Variants in SLC38A8 observed in about 807,000 individuals in gnomAD.
The protein encoded by SLC38A8 is amino acid transporter SLC38A8.
A neutral mutation model predicts 46.0 loss-of-function variants in SLC38A8; 65 were observed. The ratio of observed to expected loss-of-function variants is 1.41; its 90% CI spans 1.16 to 1.74. The LOEUF (loss-of-function observed/expected upper bound fraction) is 1.74. SLC38A8 is among the 40% of genes most tolerant of loss of function. The probability of loss-of-function intolerance (pLI) is 0.00; values close to 1 mark genes in which losing one functional copy is unlikely to be tolerated. For missense variants in SLC38A8, 998 were observed against 567.9 expected, an observed-to-expected ratio of 1.76 and a Z score of -7.70; for synonymous variants, 447 against 243.7, an observed-to-expected ratio of 1.83 and a Z score of -7.77.
chr16:84,039,174 T>G (rs1264050940), intron 2 of SLC38A8, among the ~76,000 whole-genome samples: 1 of 152,162 alleles, frequency 6.6e-6, no homozygotes, highest in Non-Finnish European at 1.5e-5. Context: ...GAAGAGCCTT[T>G]GGAGGGAGCG....
intron 9 of SLC38A8, among the ~76,000 whole-genome samples, chr16:84,014,735 G>C (rs536672461): frequency 2.0e-5 from 3 of 152,290 alleles, no homozygotes; most frequent in African/African-American, 7.2e-5. Flanking sequence ...GGGCAGGTAC[G>C]GTTAGATTCT....
At chr16:84,032,956 A>C (rs1364125810) in intron 4 of SLC38A8, among the ~76,000 whole-genome samples, 1 of 15,702 alleles carries the variant, frequency 6.4e-5, no homozygotes, top group Non-Finnish European at 1.1e-4. Context: ...GGGTGTGGGT[A>C]GGTGGGTGTG....
At chr16:84,036,412 C>G (rs1372325254) in intron 3 of SLC38A8, among the ~76,000 whole-genome samples, 7 of 152,256 alleles carry the variant, frequency 4.6e-5, no homozygotes, top group African/African-American at 1.2e-4. Context: ...GAAGGAGCTG[C>G]TTGCTGTTGG....
intron 6 of SLC38A8, among the ~76,000 whole-genome samples, chr16:84,026,223 T>C (rs2085162815): frequency 6.9e-6 from 1 of 144,248 alleles, no homozygotes; most frequent in Non-Finnish European, 1.5e-5. Flanking sequence ...GTTGGGTTTC[T>C]ACTGGTGTTT....
At position 84,014,701 on chromosome 16, in the gene SLC38A8, G is replaced by A. The variant is rs376839605; in HGVS notation, c.1163-1649C>T. Among the ~76,000 whole-genome samples the A allele has an allele frequency of 3.9e-5, 6 of 152,222 alleles. No individual in the cohort carries two copies. In the South Asian group the frequency reaches 8.3e-4, roughly 21 times the overall value. On this transcript the variant is annotated intron_variant, in intron 9 of 10. Transcript: ENST00000299709. ...CCCCAGTCTTTATCTCTTAATCCCAGTAGACCCCAATTTACGGGAGCTGGG... is the reference window on the plus strand; with the variant it reads ...CCCCAGTCTTTATCTCTTAATCCCAATAGACCCCAATTTACGGGAGCTGGG...
chr16:84,020,510 C>T (rs2151116678), intron 7 of SLC38A8, among the ~76,000 whole-genome samples: 1 of 152,328 alleles, frequency 6.6e-6, no homozygotes, highest in Middle Eastern at 3.4e-3. Flanking sequence ...CGCTATCTGC[C>T]AGCCTGCAGA....
At chr16:84,029,984 T>G (rs1287108158) in intron 5 of SLC38A8, among the ~76,000 whole-genome samples, 1 of 152,180 alleles carries the variant, frequency 6.6e-6, no homozygotes, top group Non-Finnish European at 1.5e-5. Context: ...GGGGAGAACC[T>G]CCAGGTCCAG....
chr16:84,010,182 T>TG (rs1280659797), intron 10 of SLC38A8, among the ~76,000 whole-genome samples: 1 of 150,212 alleles, frequency 6.7e-6, no homozygotes, highest in Admixed American at 6.7e-5. Context: ...GCAATTCTCC[T>TG]GCCTCAGCCT....
At position 84,018,387 on chromosome 16, in the gene SLC38A8, A is replaced by G. The variant is rs376013617; in HGVS notation, c.806-1100T>C. 8.6e-4 allele frequency among the ~76,000 whole-genome samples: 130 copies of G among 151,634 alleles called. 1 individual carries two copies. The highest frequency in any genetic ancestry group is 2.8e-3 in the African/African-American group (116 of 41,322). ...AGCTGGGACTACAGACGCCCGCCACATTTTTGAATTTTTAGTAAAGACAGG... is the reference window on the plus strand; with the variant it reads ...AGCTGGGACTACAGACGCCCGCCACGTTTTTGAATTTTTAGTAAAGACAGG... On this transcript the variant is annotated intron_variant, in intron 7 of 10. Coordinates refer to ENST00000299709, the MANE Select transcript of SLC38A8 (RefSeq NM_001080442.3).
rs897769511 is a variant in SLC38A8, at chr16:84,041,744, G to A, written c.189+225C>T. Among the ~76,000 whole-genome samples, 22 of 152,162 alleles carry A rather than the reference G, an allele frequency of 1.4e-4. 1 individual carries two copies. Among genetic ancestry groups the A allele is most frequent in the Non-Finnish European group, 1.8e-4 (12 of 68,026 alleles). The stretch of plus-strand genomic sequence containing the variant: ...GCTGCGATGCCTGTAGCTCCATCCC[G>A]GAAGCTGTGTATCAGATGCCACCAG... On this transcript the variant is annotated intron_variant, in intron 2 of 10. Transcript: ENST00000299709.
chr16:84,010,517 G>T (rs1216770673), intron 10 of SLC38A8, among the ~76,000 whole-genome samples: 2 of 151,854 alleles, frequency 1.3e-5, no homozygotes, highest in Non-Finnish European at 2.9e-5. Context: ...GAGGCAGGCG[G>T]ATTCACCTGA....
At chr16:84,033,515 T>TG in intron 3 of SLC38A8, 46 bp from the exon 4 acceptor site, 1 of 1,529,812 alleles carries the variant, frequency 6.5e-7, no homozygotes, top group Non-Finnish European at 8.8e-7. Flanking sequence ...ACAAATGCCG[T>TG]GGGTTCTCGG....
At chr16:84,029,444 C>A in intron 6 of SLC38A8, 50 bp downstream of exon 6, 1 of 1,596,098 alleles carries the variant, frequency 6.3e-7, no homozygotes, top group Non-Finnish European at 8.6e-7. Flanking sequence ...CAGAGAGTCA[C>A]CCACAGCCTC....
At chr16:84,012,248 G>C (rs2084963349) in intron 10 of SLC38A8, among the ~76,000 whole-genome samples, 1 of 152,196 alleles carries the variant, frequency 6.6e-6, no homozygotes, top group African/African-American at 2.4e-5. Flanking sequence ...GACTACCCAG[G>C]GGCGGCTGAG....
intron 9 of SLC38A8, among the ~76,000 whole-genome samples, chr16:84,015,397 A>G (rs529392685): frequency 1.2e-4 from 19 of 152,190 alleles, no homozygotes; most frequent in Admixed American, 1.2e-3. Flanking sequence ...GTTTGCCTCC[A>G]GGGCCTGGAG....
intron 9 of SLC38A8, among the ~76,000 whole-genome samples, chr16:84,014,496 G>A (rs899678416): frequency 3.5e-5 from 5 of 141,854 alleles, no homozygotes; most frequent in African/African-American, 7.9e-5. Flanking sequence ...ACCCTCACCT[G>A]TGAAAGCGCC....
chr16:84,012,600 G>T (rs566997354), intron 10 of SLC38A8, among the ~76,000 whole-genome samples: 1 of 152,300 alleles, frequency 6.6e-6, no homozygotes, highest in Admixed American at 6.5e-5. Context: ...GAGGAGCCTG[G>T]GAACAGCGAC....
intron 3 of SLC38A8, among the ~76,000 whole-genome samples, chr16:84,036,317 C>G (rs1011805764): frequency 6.6e-6 from 1 of 152,242 alleles, no homozygotes; most frequent in African/African-American, 2.4e-5. Context: ...GAGGGAAAGT[C>G]TTAGTCGGGA....
intron 4 of SLC38A8, among the ~76,000 whole-genome samples, chr16:84,032,896 G>C (rs2085259276): frequency 6.6e-6 from 1 of 150,680 alleles, no homozygotes; most frequent in Non-Finnish European, 1.5e-5. Flanking sequence ...GGGGGTGCAT[G>C]TGTGGGTGGG....
Sources: allele counts gnomAD v4.1 joint callset (sites outside exome capture counted in the v4.1 genomes callset), GRCh38; gene constraint gnomAD v4.1.1; transcripts MANE v1.5; gene names NCBI Gene and HGNC (gene_info 2026-07-23, HGNC 2026-07-21).